Variants in PRKCA observed in about 807,000 individuals in gnomAD.
PRKCA encodes the protein protein kinase C alpha.
Under a neutral mutation model 87.0 loss-of-function variants are expected in PRKCA, and 27 were observed. That is an observed-to-expected ratio of 0.31 (90% CI 0.23 to 0.43). The LOEUF (loss-of-function observed/expected upper bound fraction) is 0.43, where lower values mean the gene tolerates loss of function less well. PRKCA is among the 20% of genes least tolerant of loss of function. The pLI is 1.00. For missense variants in PRKCA, 518 were observed against 852.3 expected, an observed-to-expected ratio of 0.61 and a Z score of 4.88; for synonymous variants, 329 against 311.1, an observed-to-expected ratio of 1.06 and a Z score of -0.61.
intron 3 of PRKCA, among the ~76,000 whole-genome samples, chr17:66,544,049 T>TA (rs943877715): frequency 4.6e-5 from 7 of 151,774 alleles, no homozygotes; most frequent in African/African-American, 7.3e-5. Context: ...CTGACTGTAC[T>TA]AAAAAAAATA....
Position 66,803,040 on chromosome 17 carries a change from A to G in PRKCA, c.1855-833A>G, listed in dbSNP as rs1163770966. On this transcript the variant is annotated intron_variant, in intron 16 of 16. Coordinates refer to ENST00000413366, the MANE Select transcript of PRKCA (RefSeq NM_002737.3). This position sits in a 1 kb window ranked among gnomAD's most constrained non-coding sequence, Gnocchi z 4.4. ...AAGGTGAAGAGAACACTCCTTCCCC[A>G]CTTTTGGGGTCAGGCTACCAAGCCG... 6.6e-6 allele frequency among the ~76,000 whole-genome samples: 1 copy of G among 152,130 alleles called. No homozygotes were observed. The highest frequency in any genetic ancestry group is 2.4e-5 in the African/African-American group (1 of 41,428).
intron 3 of PRKCA, among the ~76,000 whole-genome samples, chr17:66,529,691 G>T (rs1288805950): frequency 1.3e-5 from 2 of 152,234 alleles, no homozygotes; most frequent in East Asian, 1.9e-4. Flanking sequence ...CATATTTTGA[G>T]CAACAAAACG....
rs150224940 is a variant in PRKCA at position 66,721,851 on chromosome 17, G to A, written c.919-10837G>A. ...GTAACTAAGAATGCCTGACCTCCCA[G>A]GAGTGCAAATGCAGCCCAACAGGTC... On this transcript the variant is annotated intron_variant, in intron 8 of 16. Coordinates refer to ENST00000413366, the MANE Select transcript of PRKCA (RefSeq NM_002737.3). Among the ~76,000 whole-genome samples the A allele has an allele frequency of 3.5e-4, 53 of 152,234 alleles. No homozygotes were observed. The East Asian group carries it at 0.01, about 29-fold the overall frequency.
chr17:66,774,924 A>G, intron 14 of PRKCA: 3 of 985,414 alleles, frequency 3.0e-6, no homozygotes, highest in Non-Finnish European at 3.6e-6. Flanking sequence ...ATGATGTGAC[A>G]TGTACCAGAT....
intron 2 of PRKCA, among the ~76,000 whole-genome samples, chr17:66,360,430 A>G (rs572518965): frequency 3.3e-5 from 5 of 152,334 alleles, no homozygotes; most frequent in African/African-American, 1.2e-4. Flanking sequence ...AGGCATTGCC[A>G]CAGTATTCTC....
intron 8 of PRKCA, among the ~76,000 whole-genome samples, chr17:66,693,394 A>G (rs1972831321): frequency 6.6e-6 from 1 of 152,212 alleles, no homozygotes; most frequent in East Asian, 1.9e-4. Flanking sequence ...TCCATTTGTT[A>G]AAAAAAGTAA....
Position 66,419,727 on chromosome 17 carries a change from C to T in PRKCA, c.206-76474C>T, listed in dbSNP as rs566214675. Among the ~76,000 whole-genome samples the T allele has an allele frequency of 1.3e-3, 191 of 152,168 alleles. 1 individual carries two copies. Among genetic ancestry groups the T allele is most frequent in the African/African-American group, 4.2e-3 (173 of 41,544 alleles). On this transcript the variant is annotated intron_variant, in intron 2 of 16. Transcript: ENST00000413366. ...AACGGCACAACACAATCTTGAGGTC[C>T]CTTCTGAATCATCAGATTATATTAT...
intron 3 of PRKCA, among the ~76,000 whole-genome samples, chr17:66,531,509 C>T (rs9909097): frequency 0.34 from 52,368 of 152,138 alleles, 9,177 homozygotes; most frequent in South Asian, 0.49. Flanking sequence ...TTATTTTCAC[C>T]TGTGGATGTA....
intron 2 of PRKCA, among the ~76,000 whole-genome samples, chr17:66,467,899 A>C (rs931095224): frequency 6.6e-6 from 1 of 152,160 alleles, no homozygotes; most frequent in Non-Finnish European, 1.5e-5. Flanking sequence ...TTAAAAAAAA[A>C]AACAACAGAA....
chr17:66,740,392 G>C (rs75290212), intron 11 of PRKCA, among the ~76,000 whole-genome samples: 6 of 152,112 alleles, frequency 3.9e-5, no homozygotes, highest in African/African-American at 1.4e-4. Flanking sequence ...GTTTAGTTCC[G>C]CAGTGAGGAA....
intron 13 of PRKCA, among the ~76,000 whole-genome samples, chr17:66,750,618 A>G (rs1974406980): frequency 6.6e-6 from 1 of 152,176 alleles, no homozygotes. Context: ...TATGAAACAA[A>G]TGTGGCCCGC....
At chr17:66,319,087 A>C (rs9910355) in intron 2 of PRKCA, among the ~76,000 whole-genome samples, 89,417 of 151,874 alleles carry the variant, frequency 0.59, 26,406 homozygotes, top group South Asian at 0.64. Flanking sequence ...GAGATTGTGC[A>C]GCTGCACTTT....
Position 66,303,022 on chromosome 17 carries a change from C to G in PRKCA, c.171C>G (p.Ile57Met), listed in dbSNP as rs1330669334. 6.2e-7 allele frequency: 1 copy of G among 1,608,628 alleles called. No homozygotes were observed. Among genetic ancestry groups the G allele is most frequent in the East Asian group, 2.3e-5 (1 of 44,352 alleles). ...PTFCSHCTDF[I>M]WGFGKQGFQC... ...TCTGCAGCCACTGCACCGACTTCAT[C>G]TGGTAGGTGCCGGGCCGGGCACTCC... Residue 57 changes from isoleucine to methionine, a missense_variant and splice_region_variant, in exon 1 of 17, where the codon ATC becomes ATG. Around this residue, in one of 5 missense-constraint regions of PRKCA, gnomAD observed 25 missense variants for 72.1 expected, o/e 0.35. Coordinates refer to ENST00000413366, the MANE Select transcript of PRKCA (RefSeq NM_002737.3).
intron 13 of PRKCA, among the ~76,000 whole-genome samples, chr17:66,751,423 G>A (rs1476482692): frequency 1.3e-5 from 2 of 152,156 alleles, no homozygotes; most frequent in East Asian, 3.9e-4. Context: ...ACGGCCAGTT[G>A]CCACCTCAGT....
chr17:66,663,929 G>C (rs146141011), intron 5 of PRKCA, among the ~76,000 whole-genome samples: 7,974 of 151,050 alleles, frequency 0.053, 284 homozygotes, highest in Admixed American at 0.077. Flanking sequence ...GTTCAGTGGC[G>C]TGATCTTGAC....
intron 2 of PRKCA, among the ~76,000 whole-genome samples, chr17:66,353,486 C>T (rs970477197): frequency 3.3e-5 from 5 of 152,044 alleles, no homozygotes; most frequent in Admixed American, 6.6e-5. Context: ...GAGGCTGAGG[C>T]GGGTGGATCA....
intron 13 of PRKCA, among the ~76,000 whole-genome samples, chr17:66,768,347 G>A (rs923772960): frequency 3.3e-5 from 5 of 150,984 alleles, no homozygotes; most frequent in African/African-American, 7.3e-5. Context: ...TCGGCCTCCC[G>A]AGCTACTGGG....
intron 2 of PRKCA, among the ~76,000 whole-genome samples, chr17:66,465,934 C>G (rs1915066991): frequency 6.6e-6 from 1 of 151,982 alleles, no homozygotes; most frequent in South Asian, 2.1e-4. Context: ...AGTTTCTTCA[C>G]ATGGATAACT....
chr17:66,467,011 G>A (rs1915116407), intron 2 of PRKCA, among the ~76,000 whole-genome samples: 1 of 152,164 alleles, frequency 6.6e-6, no homozygotes, highest in African/African-American at 2.4e-5. Context: ...TATTCAAACT[G>A]AACCTACTAT....
Sources: gnomAD v4.1 joint callset for allele counts (sites outside exome capture counted in the v4.1 genomes callset) on GRCh38, gnomAD v4.1.1 for gene constraint, gnomAD v4.1.1 regional missense constraint, Gnocchi (gnomAD v3.1) non-coding constraint, MANE v1.5 for transcripts, NCBI Gene and HGNC (gene_info 2026-07-23, HGNC 2026-07-21) for gene names.